CHP1: variants seen among roughly 807,000 people sequenced by gnomAD.
CHP1 encodes calcineurin B homologous protein 1.
A neutral mutation model predicts 27.4 loss-of-function variants in CHP1; 11 were observed. The ratio of observed to expected loss-of-function variants is 0.40; its 90% CI spans 0.25 to 0.67. The LOEUF is 0.67. CHP1 is among the 30% of genes least tolerant of loss of function. The probability of loss-of-function intolerance (pLI) is 0.38; values close to 1 mark genes in which losing one functional copy is unlikely to be tolerated. For missense variants in CHP1, 169 were observed against 251.3 expected (o/e 0.67, Z 2.22); for synonymous variants, 89 against 87.4 (o/e 1.02, Z -0.10).
intron 1 of CHP1, among the ~76,000 whole-genome samples, chr15:41,243,199 G>A (rs2047315958): frequency 6.6e-6 from 1 of 152,002 alleles, no homozygotes; most frequent in South Asian, 2.1e-4. Context: ...AAATTAGCTG[G>A]GTGTGGTGGC....
At chr15:41,233,451 A>C (rs1335090154) in intron 1 of CHP1, among the ~76,000 whole-genome samples, 3 of 152,214 alleles carry the variant, frequency 2.0e-5, no homozygotes, top group Admixed American at 6.5e-5. Flanking sequence ...ACAAACAACT[A>C]AGTGCTCATG....
chr15:41,272,007 G>T (rs541646703), intron 5 of CHP1, among the ~76,000 whole-genome samples: 4 of 149,982 alleles, frequency 2.7e-5, no homozygotes, highest in African/African-American at 9.8e-5. Flanking sequence ...GATTACAGGC[G>T]TGAGCCACCA....
chr15:41,271,246 T>C lies in CHP1; in HGVS notation c.411+628T>C, dbSNP rs548760255. ...CTCCAGCCTGGGCGACAGAGCAAGA[T>C]TCCGTCTCAAAAAAAAAAAAAAAAA... is the stretch of plus-strand genomic sequence containing the variant. On this transcript the variant is annotated intron_variant, in intron 5 of 6. Coordinates refer to ENST00000334660, the MANE Select transcript of CHP1 (RefSeq NM_007236.5). Among the ~76,000 whole-genome samples, 15 of 114,596 alleles carry C rather than the reference T, an allele frequency of 1.3e-4. No homozygotes were observed. In the South Asian group the frequency reaches 3.8e-3, roughly 29 times the overall value. 75.2% of individuals were successfully genotyped at this position (114,596 alleles called of 152,430 possible).
intron 1 of CHP1, among the ~76,000 whole-genome samples, chr15:41,242,632 TA>T (rs2047312545): frequency 6.8e-6 from 1 of 147,842 alleles, no homozygotes; most frequent in East Asian, 2.0e-4. Flanking sequence ...AAAAATAAAA[TA>T]AAATAAAATT....
chr15:41,251,503 T>C (rs1178754981), intron 2 of CHP1, among the ~76,000 whole-genome samples: 1 of 152,202 alleles, frequency 6.6e-6, no homozygotes, highest in Non-Finnish European at 1.5e-5. Flanking sequence ...TACCAGTCTG[T>C]GGCCAGTTAG....
At chr15:41,234,573 A>G (rs1016488150) in intron 1 of CHP1, among the ~76,000 whole-genome samples, 1 of 152,216 alleles carries the variant, frequency 6.6e-6, no homozygotes, top group Non-Finnish European at 1.5e-5. Flanking sequence ...GAATTTCTAC[A>G]TGACTAGATT....
intron 4 of CHP1, among the ~76,000 whole-genome samples, chr15:41,266,012 G>C (rs62001388): frequency 6.6e-6 from 1 of 152,058 alleles, no homozygotes; most frequent in Admixed American, 6.6e-5. Flanking sequence ...GGCCAGGCGC[G>C]GTGGCTCATG....
At chr15:41,276,155 C>T (rs771034622) in intron 5 of CHP1, among the ~76,000 whole-genome samples, 1 of 151,536 alleles carries the variant, frequency 6.6e-6, no homozygotes, top group Admixed American at 6.6e-5. Flanking sequence ...GCAGGAGAAT[C>T]GCCTGAACCT....
intron 2 of CHP1, among the ~76,000 whole-genome samples, chr15:41,244,818 C>T (rs952050315): frequency 6.6e-6 from 1 of 152,192 alleles, no homozygotes; most frequent in Non-Finnish European, 1.5e-5. Flanking sequence ...TTATCTCCCA[C>T]ACTAACTCTC....
At chr15:41,272,413 T>C (rs539795047) in intron 5 of CHP1, 1 of 152,182 alleles carries the variant, frequency 6.6e-6, no homozygotes, top group Non-Finnish European at 1.5e-5. Flanking sequence ...TGCCTGAGAA[T>C]TTTTTTGTTT....
In CHP1 at chr15:41,262,625, G is replaced by A. The variant is rs1464549727; in HGVS notation, c.222-131G>A. The A allele has an allele frequency of 1.8e-5, 21 of 1,163,214 alleles. No individual in the cohort carries two copies. The East Asian group carries it at 2.9e-4, about 16-fold the overall frequency. The allele number at this position is 1,163,214 out of a possible 1,614,324, so 72.1% of individuals were successfully genotyped here. Reference sequence around the variant, plus strand: ...GGTACTGTGAGTCCCAAAGTACCATGCGTATGGAAAGAAACCTCATTAAAT... The same window carrying A: ...GGTACTGTGAGTCCCAAAGTACCATACGTATGGAAAGAAACCTCATTAAAT... On this transcript the variant is annotated intron_variant, in intron 3 of 6. Transcript: ENST00000334660.
At chr15:41,277,414 A>T (rs556274907) in intron 5 of CHP1, among the ~76,000 whole-genome samples, 90 of 152,254 alleles carry the variant, frequency 5.9e-4, no homozygotes, top group Non-Finnish European at 1.1e-3. Context: ...GAGGTGGCAG[A>T]GGGAGAATTG....
intron 2 of CHP1, among the ~76,000 whole-genome samples, chr15:41,244,343 T>A (rs1480538770): frequency 6.6e-6 from 1 of 152,170 alleles, no homozygotes; most frequent in East Asian, 1.9e-4. Context: ...CTGCTTACAT[T>A]TTCCCATAAT....
chr15:41,247,972 T>TAAAA (rs1211421370), intron 2 of CHP1, among the ~76,000 whole-genome samples: 16 of 126,116 alleles, frequency 1.3e-4, no homozygotes, highest in African/African-American at 3.7e-4. Context: ...CCGTCTCAAA[T>TAAAA]AAAAAAATAA....
intron 2 of CHP1, among the ~76,000 whole-genome samples, chr15:41,244,586 A>G (rs1248879967): frequency 6.6e-6 from 1 of 152,064 alleles, no homozygotes; most frequent in Non-Finnish European, 1.5e-5. Context: ...ATGACTGGAG[A>G]ATGCTACTAG....
At position 41,263,230 on chromosome 15, in the gene CHP1, T is replaced by C. The variant is rs551149671; in HGVS notation, c.349+347T>C. Among the ~76,000 whole-genome samples, 4 of 152,262 alleles carry C rather than the reference T, an allele frequency of 2.6e-5. No individual in the cohort carries two copies. The East Asian group carries it at 5.8e-4, about 22-fold the overall frequency. On this transcript the variant is annotated intron_variant, in intron 4 of 6. Coordinates refer to ENST00000334660, the MANE Select transcript of CHP1 (RefSeq NM_007236.5). ...ACTTAATAAGTGTTACCTAGTATCA[T>C]TATAATTCATTGAGCACCTACCGTG... is the stretch of plus-strand genomic sequence containing the variant.
At chr15:41,240,671 G>T (rs28665387) in intron 1 of CHP1, among the ~76,000 whole-genome samples, 75,548 of 150,246 alleles carry the variant, frequency 0.5, 20,544 homozygotes, top group African/African-American at 0.72. Flanking sequence ...GAGAATCACG[G>T]GAACCCAGAA....
chr15:41,238,328 T>C (rs376303130), intron 1 of CHP1, among the ~76,000 whole-genome samples: 18 of 151,924 alleles, frequency 1.2e-4, no homozygotes, highest in African/African-American at 4.3e-4. Context: ...CAGCTAATGA[T>C]TGATTGATTG....
At chr15:41,273,623 C>T (rs2047502760) in intron 5 of CHP1, among the ~76,000 whole-genome samples, 1 of 151,522 alleles carries the variant, frequency 6.6e-6, no homozygotes, top group African/African-American at 2.4e-5. Flanking sequence ...TCAGGTGATC[C>T]ACCTGCCTCG....
Sources: allele counts gnomAD v4.1 joint callset (sites outside exome capture counted in the v4.1 genomes callset), GRCh38; gene constraint gnomAD v4.1.1; transcripts MANE v1.5; gene names NCBI Gene and HGNC (gene_info 2026-07-23, HGNC 2026-07-21).